Variants in CRLS1 observed in about 807,000 individuals in gnomAD.
CRLS1 encodes cardiolipin synthase (CMP-forming).
CRLS1 carries 24 observed loss-of-function variants against 37.0 expected under a neutral mutation model. The ratio of observed to expected loss-of-function variants is 0.65; its 90% CI spans 0.47 to 0.91. The LOEUF (loss-of-function observed/expected upper bound fraction) is 0.91. Among genes scored for constraint, CRLS1 ranks in the 40% least tolerant of loss-of-function variants. CRLS1 has a pLI of 0.00. For missense variants in CRLS1, 373 were observed against 395.8 expected, an observed-to-expected ratio of 0.94 and a Z score of 0.49; for synonymous variants, 135 against 159.7, an observed-to-expected ratio of 0.85 and a Z score of 1.17.
rs192136102 is a variant in CRLS1, at chr20:6,033,655, C to T, written c.730-809C>T. 3.7e-4 allele frequency among the ~76,000 whole-genome samples: 56 copies of T among 151,818 alleles called. 1 individual carries two copies. The highest frequency in any genetic ancestry group is 6.3e-4 in the Non-Finnish European group (43 of 67,906). On this transcript the variant is annotated intron_variant, in intron 5 of 6. Coordinates refer to ENST00000378863, the MANE Select transcript of CRLS1 (RefSeq NM_019095.6). ...GTGTAGGGAAGCCTACTCATTTCCTCCTTGAGAGAGGTTCTTTTATGGAGA... is the reference window on the plus strand; with the variant it reads ...GTGTAGGGAAGCCTACTCATTTCCTTCTTGAGAGAGGTTCTTTTATGGAGA...
intron 3 of CRLS1, among the ~76,000 whole-genome samples, chr20:6,023,016 G>C (rs1420577083): frequency 6.6e-6 from 1 of 152,092 alleles, no homozygotes; most frequent in Non-Finnish European, 1.5e-5. Context: ...ACCTGTCTCT[G>C]TAGCTGTACC....
rs1980686223 is a variant in CRLS1 at position 6,037,886 on chromosome 20, C to T, written c.*728C>T. 6.6e-6 allele frequency: 1 copy of T among 152,170 alleles called. No homozygotes were observed. Among genetic ancestry groups the T allele is most frequent in the Non-Finnish European group, 1.5e-5 (1 of 68,042 alleles). The allele number at this position is 152,170 out of a possible 1,614,324, so 9.4% of individuals were successfully genotyped here. A position where few individuals can be genotyped will look rare whatever the true frequency, so the allele number is the denominator to read the frequency against. ...GGCAGTGAGTTACGTTCCTGCCTTC[C>T]ACTGTGTTTCTGACATAGCAATGTT... On this transcript the variant is annotated 3_prime_UTR_variant, in exon 7 of 7. Transcript: ENST00000378863.
chr20:6,036,273 A>T (rs1016580747), intron 6 of CRLS1, among the ~76,000 whole-genome samples: 2 of 152,214 alleles, frequency 1.3e-5, no homozygotes, highest in Non-Finnish European at 2.9e-5. Context: ...TTTCTAACAC[A>T]TATATTTCAT....
upstream of CRLS1, chr20:6,006,068 C>G (rs991446356): frequency 1.6e-5 from 6 of 374,722 alleles, no homozygotes; most frequent in Non-Finnish European, 2.3e-5. Flanking sequence ...AAGGCGTCCG[C>G]CCTTGGCGGC....
chr20:6,028,715 T>G (rs932827316), intron 3 of CRLS1: 1 of 152,272 alleles, frequency 6.6e-6, no homozygotes, highest in African/African-American at 2.4e-5. Context: ...CCACAGAAAA[T>G]ATTTAAATTA....
rs757762317 is a variant in CRLS1 at position 6,009,807 on chromosome 20, G to A, written c.339G>A (p.Leu113=). The A allele has an allele frequency of 1.9e-6, 3 of 1,613,800 alleles. No homozygotes were observed. Among genetic ancestry groups the A allele is most frequent in the Admixed American group, 1.7e-5 (1 of 59,978 alleles). ...ACCCATGGACAATCCCGAATATGTT[G>A]TCAATGACGAGAATTGGCTTGGCCC... ...YENPWTIPNM[L]SMTRIGLAPV... The change falls in exon 2 of 7, where the codon TTG becomes TTA. Residue 113 remains leucine (L), a synonymous_variant. Transcript: ENST00000378863.
In CRLS1 at chr20:6,006,515, C is replaced by G. The variant is rs1354071271; in HGVS notation, c.269C>G (p.Pro90Arg). 4 of 1,334,986 alleles carry G rather than the reference C, an allele frequency of 3.0e-6. No homozygotes were observed. In the East Asian group the frequency reaches 1.3e-4, roughly 42 times the overall value. 82.7% of individuals were successfully genotyped at this position (1,334,986 alleles called of 1,614,324 possible). The change falls in exon 1 of 7, where the codon CCG becomes CGG. Residue 90 changes from proline to arginine, a missense_variant. Pro to Arg is a moderately radical substitution (Grantham distance 103, BLOSUM62 -2). Coordinates refer to ENST00000378863, the MANE Select transcript of CRLS1 (RefSeq NM_019095.6). ...AAGAGAAAEA[P>R]GGQWGPASTP... ...GGAGCGGGCGCCGCTGCCGAAGCCC[C>G]GGGCGGCCAGTGGGGCCCGGCGAGC... is the stretch of plus-strand genomic sequence containing the variant.
At chr20:6,008,150 GAATTTTAAAAGAAT>G (rs1261765991) in intron 1 of CRLS1, among the ~76,000 whole-genome samples, 24 of 21,216 alleles carry the variant, frequency 1.1e-3, no homozygotes, top group Non-Finnish European at 8.9e-5. Context: ...TTCAGAAATG[GAATTTTAAAAGAAT>G]CTTCAGAAAT....
chr20:6,026,140 G>T (rs1347384909), intron 3 of CRLS1: 1 of 152,222 alleles, frequency 6.6e-6, no homozygotes, highest in Non-Finnish European at 1.5e-5. Context: ...GTCAATTTAT[G>T]TGGCAAACTT....
chr20:6,029,649 G>A (rs751440817), intron 3 of CRLS1, among the ~76,000 whole-genome samples: 8 of 152,214 alleles, frequency 5.3e-5, no homozygotes, highest in African/African-American at 9.6e-5. Flanking sequence ...ATGAGCCACC[G>A]TGCAGGTTTG....
intron 2 of CRLS1, among the ~76,000 whole-genome samples, chr20:6,011,131 C>T (rs2090126380): frequency 1.3e-5 from 2 of 152,072 alleles, no homozygotes; most frequent in African/African-American, 4.8e-5. Context: ...GAAATAGATA[C>T]ATTATATTCT....
intron 3 of CRLS1, among the ~76,000 whole-genome samples, chr20:6,030,122 C>T (rs1013184): frequency 0.98 from 148,594 of 151,046 alleles, 73,082 homozygotes; most frequent in East Asian, 1. Context: ...TGAACTCAGG[C>T]TTTTTTTTTT....
intron 3 of CRLS1, among the ~76,000 whole-genome samples, chr20:6,023,954 ATT>A (rs11087705): frequency 0.081 from 11,985 of 147,384 alleles, 736 homozygotes; most frequent in African/African-American, 0.17. Flanking sequence ...TCTCTGTCAC[ATT>A]TTTTTTTTTT....
At chr20:6,007,468 C>T in intron 1 of CRLS1, 6 of 1,533,218 alleles carry the variant, frequency 3.9e-6, no homozygotes, top group Non-Finnish European at 5.4e-6. Context: ...GAAACTTTTA[C>T]GGATTTAATG....
chr20:6,032,382 T>G (rs1311806534), intron 5 of CRLS1, among the ~76,000 whole-genome samples: 1 of 147,654 alleles, frequency 6.8e-6, no homozygotes, highest in African/African-American at 2.6e-5. Flanking sequence ...TTTTTTTTTT[T>G]GAGACAAGGT....
At chr20:6,023,351 C>T (rs1404998478) in intron 3 of CRLS1, 1 of 152,124 alleles carries the variant, frequency 6.6e-6, no homozygotes, top group Non-Finnish European at 1.5e-5. Flanking sequence ...AGGCATTACT[C>T]ACCAGAGAAG....
Position 6,031,305 on chromosome 20 carries a change from A to G in CRLS1, c.595A>G (p.Ile199Val). ...TTCAGTTCCACTTACTTACATGATC[A>G]TTTCGAGAGATGTAATGTTGATTGC... ...LIPVPLTYMI[I>V]SRDVMLIAAV... The change falls in exon 4 of 7, where the codon ATT (isoleucine) becomes GTT (valine). Residue 199 changes from isoleucine (I) to valine (V), a missense_variant. By Grantham distance (29) the Ile-to-Val change is conservative. Transcript: ENST00000378863. 1 of 1,607,548 alleles carries G rather than the reference A, an allele frequency of 6.2e-7. No individual in the cohort carries two copies. The highest frequency in any genetic ancestry group is 8.5e-7 in the Non-Finnish European group (1 of 1,176,992).
chr20:6,009,194 G>C lies in CRLS1; in HGVS notation c.307-581G>C, dbSNP rs1046628504. On this transcript the variant is annotated intron_variant, in intron 1 of 6. Transcript: ENST00000378863. ...AAAAATTAGCTGGGCATGGTGGCGGGCACCTGTAATCCCAGCTACTTGGGA... is the reference window on the plus strand; with the variant it reads ...AAAAATTAGCTGGGCATGGTGGCGGCCACCTGTAATCCCAGCTACTTGGGA... Among the ~76,000 whole-genome samples the C allele has an allele frequency of 5.9e-5, 9 of 152,128 alleles. No homozygotes were observed. The South Asian group carries it at 8.3e-4, about 14-fold the overall frequency.
intron 3 of CRLS1, among the ~76,000 whole-genome samples, chr20:6,025,763 A>G (rs1008917228): frequency 5.3e-5 from 8 of 152,166 alleles, no homozygotes; most frequent in African/African-American, 1.4e-4. Context: ...GTTGATTCCA[A>G]CCCACATGGA....
Sources: gnomAD v4.1 joint callset for allele counts (sites outside exome capture counted in the v4.1 genomes callset) on GRCh38, gnomAD v4.1.1 for gene constraint, MANE v1.5 for transcripts, NCBI Gene and HGNC (gene_info 2026-07-23, HGNC 2026-07-21) for gene names.